The following EHBP1 variants were observed in gnomAD, a reference collection of about 807,000 sequenced individuals.
The protein encoded by EHBP1 is EH domain-binding protein 1.
Under a neutral mutation model 144.0 loss-of-function variants are expected in EHBP1, and 55 were observed. The ratio of observed to expected loss-of-function variants is 0.38; its 90% CI spans 0.31 to 0.48. The LOEUF (loss-of-function observed/expected upper bound fraction) is 0.48. EHBP1 is among the 20% of genes least tolerant of loss of function. EHBP1 has a pLI of 0.98. For synonymous variants in EHBP1, 469 were observed against 472.7 expected, an observed-to-expected ratio of 0.99 and a Z score of 0.10; for missense variants, 1,200 against 1,364.2, an observed-to-expected ratio of 0.88 and a Z score of 1.90.
chr2:63,033,999 A>G (rs1446846635), intron 19 of EHBP1, among the ~76,000 whole-genome samples: 1 of 152,100 alleles, frequency 6.6e-6, no homozygotes, highest in Admixed American at 6.6e-5. Context: ...TCCAGCTGCA[A>G]TAACGGATTA....
chr2:62,821,321 T>C (rs2152569462), intron 5 of EHBP1, among the ~76,000 whole-genome samples: 1 of 152,248 alleles, frequency 6.6e-6, no homozygotes, highest in African/African-American at 2.4e-5. Flanking sequence ...TGAAAAAGCA[T>C]ACAATGAACT....
intron 19 of EHBP1, among the ~76,000 whole-genome samples, chr2:63,029,542 TATC>T (rs948389180): frequency 2.0e-5 from 3 of 151,614 alleles, no homozygotes; most frequent in African/African-American, 7.3e-5. Flanking sequence ...CCTTCATTAT[TATC>T]ATCATAGCTT....
intron 18 of EHBP1, 70 bp downstream of exon 18, chr2:62,994,047 A>G (rs1167986744): frequency 4.7e-5 from 50 of 1,071,780 alleles, no homozygotes; most frequent in Non-Finnish European, 6.5e-5. Context: ...TAGTGCCTTT[A>G]TTTGTTAAAA....
rs1032810696 is a variant in EHBP1 at position 63,045,328 on chromosome 2, T to C, written c.3393-82T>C. 30 of 1,447,158 alleles carry C rather than the reference T, an allele frequency of 2.1e-5. 1 individual carries two copies. Among genetic ancestry groups the C allele is most frequent in the Non-Finnish European group, 2.7e-5 (28 of 1,039,700 alleles). 89.6% of individuals were successfully genotyped at this position (1,447,158 alleles called of 1,614,324 possible). ...CCATTCCCGCTGGGGATCCAAATACTGGGCGACGGGGGAGTGCTGCTCTGC... is the reference window on the plus strand; with the variant it reads ...CCATTCCCGCTGGGGATCCAAATACCGGGCGACGGGGGAGTGCTGCTCTGC... On this transcript the variant is annotated intron_variant, in intron 22 of 22. Transcript: ENST00000431489. This position sits in a 1 kb window ranked among gnomAD's most constrained non-coding sequence, Gnocchi z 5.7.
intron 14 of EHBP1, among the ~76,000 whole-genome samples, chr2:62,974,157 A>T (rs531925877): frequency 2.6e-5 from 4 of 152,240 alleles, no homozygotes; most frequent in African/African-American, 9.6e-5. Flanking sequence ...TTTCACTTGA[A>T]TGTTAGACCT....
At position 62,948,315 on chromosome 2, in the gene EHBP1, T is replaced by C; in HGVS notation, c.1469T>C (p.Met490Thr). The C allele has an allele frequency of 6.2e-7, 1 of 1,606,372 alleles. No homozygotes were observed. Among genetic ancestry groups the C allele is most frequent in the Non-Finnish European group, 8.5e-7 (1 of 1,176,704 alleles). The change falls in exon 13 of 23, where the codon ATG (methionine) becomes ACG (threonine). Residue 490 changes from methionine (M) to threonine (T), a missense_variant. Coordinates refer to ENST00000431489, the MANE Select transcript of EHBP1 (RefSeq NM_001142616.3). ...GISRLLEPSD[M>T]VLLAIPDKLT... ...TCCCGATTATTGGAACCTTCTGATA[T>C]GGTATTATTAGCAATTCCTGATAAA...
At chr2:63,029,557 T>C (rs141400167) in intron 19 of EHBP1, among the ~76,000 whole-genome samples, 25 of 151,904 alleles carry the variant, frequency 1.6e-4, no homozygotes, top group African/African-American at 5.8e-4. Context: ...TCATAGCTTG[T>C]AGTCTTGGGT....
intron 15 of EHBP1, chr2:62,988,107 T>C: frequency 1.2e-6 from 1 of 836,164 alleles, no homozygotes; most frequent in Non-Finnish European, 2.0e-6. Flanking sequence ...TTTTATTATC[T>C]CATCAATAAT....
At chr2:62,718,029 G>A (rs2035857272) in intron 2 of EHBP1, among the ~76,000 whole-genome samples, 1 of 152,154 alleles carries the variant, frequency 6.6e-6, no homozygotes. Flanking sequence ...TTTGTTTGCA[G>A]ACTTTTCTTA....
At chr2:62,918,938 T>C (rs1267979801) in intron 10 of EHBP1, among the ~76,000 whole-genome samples, 3 of 152,130 alleles carry the variant, frequency 2.0e-5, no homozygotes. Context: ...ACCTGGGGTC[T>C]ATTGAAGCCT....
chr2:62,801,361 C>T (rs1162627644), intron 5 of EHBP1, among the ~76,000 whole-genome samples: 2 of 152,216 alleles, frequency 1.3e-5, no homozygotes, highest in African/African-American at 4.8e-5. Flanking sequence ...TGAAGTTTAA[C>T]TAACTGATAC....
chr2:62,859,319 T>A (rs1401473720), intron 8 of EHBP1, 28 bp downstream of exon 8: 1 of 1,581,114 alleles, frequency 6.3e-7, no homozygotes, highest in Admixed American at 1.7e-5. Flanking sequence ...AATTTTAAAG[T>A]CTTTGTATAG....
intron 1 of EHBP1, among the ~76,000 whole-genome samples, chr2:62,683,790 A>C (rs1349121377): frequency 1.3e-5 from 2 of 152,118 alleles, no homozygotes; most frequent in African/African-American, 2.4e-5. Context: ...ACTTGCCTAG[A>C]ACAGCTCAAG....
intron 7 of EHBP1, among the ~76,000 whole-genome samples, chr2:62,847,138 C>T (rs1037925514): frequency 2.0e-5 from 3 of 152,054 alleles, no homozygotes; most frequent in African/African-American, 7.2e-5. Flanking sequence ...ATCAACAGAA[C>T]AAAACAAAGT....
At chr2:62,880,685 C>T (rs2051329950) in intron 10 of EHBP1, among the ~76,000 whole-genome samples, 2 of 152,042 alleles carry the variant, frequency 1.3e-5, no homozygotes, top group South Asian at 4.1e-4. Flanking sequence ...GAGAGATGCA[C>T]ATCAAAACCA....
chr2:62,855,666 A>G (rs2048997803), intron 7 of EHBP1, among the ~76,000 whole-genome samples: 1 of 152,270 alleles, frequency 6.6e-6, no homozygotes, highest in East Asian at 1.9e-4. Flanking sequence ...TATCAGGACA[A>G]TCAGCTGCAG....
intron 5 of EHBP1, among the ~76,000 whole-genome samples, chr2:62,816,915 G>T (rs995509970): frequency 4.6e-5 from 7 of 151,988 alleles, no homozygotes; most frequent in African/African-American, 1.7e-4. Flanking sequence ...GTTTATCCCC[G>T]TTCTGGCTTG....
intron 4 of EHBP1, among the ~76,000 whole-genome samples, chr2:62,766,784 T>C (rs2041223607): frequency 6.6e-6 from 1 of 152,068 alleles, no homozygotes; most frequent in African/African-American, 2.4e-5. Flanking sequence ...TTCTAATCTC[T>C]GGTAAAATCA....
intron 3 of EHBP1, among the ~76,000 whole-genome samples, chr2:62,752,301 G>C (rs1303629768): frequency 6.6e-6 from 1 of 152,194 alleles, no homozygotes; most frequent in East Asian, 1.9e-4. Flanking sequence ...TTTTGAGTGA[G>C]GTTCTTAATC....
Sources: gnomAD v4.1 joint callset for allele counts (sites outside exome capture counted in the v4.1 genomes callset) on GRCh38, gnomAD v4.1.1 for gene constraint, Gnocchi (gnomAD v3.1) non-coding constraint, MANE v1.5 for transcripts, NCBI Gene and HGNC (gene_info 2026-07-23, HGNC 2026-07-21) for gene names.